ZNF75A: variants seen among roughly 807,000 people sequenced by gnomAD.
The protein encoded by ZNF75A is zinc finger protein 75A.
In ZNF75A, 36 loss-of-function variants were observed where a neutral mutation model predicts 46.3. The observed-to-expected ratio is 0.78, with a 90% CI of 0.60 to 1.03. The LOEUF is 1.03. ZNF75A is among the 50% of genes least tolerant of loss of function. The pLI is 0.00. For missense variants in ZNF75A, 595 were observed against 551.3 expected (o/e 1.08, Z -0.79); for synonymous variants, 234 against 189.9 (o/e 1.23, Z -1.91).
chr16:3,318,025 G>C lies in ZNF75A; in HGVS notation c.*156G>C. 7.1e-7 allele frequency: 1 copy of C among 1,416,026 alleles called. No individual in the cohort carries two copies. The highest frequency in any genetic ancestry group is 1.4e-5 in the African/African-American group (1 of 69,548). 87.7% of individuals were successfully genotyped at this position (1,416,026 alleles called of 1,614,324 possible). On this transcript the variant is annotated 3_prime_UTR_variant, in exon 7 of 7. Coordinates refer to ENST00000669516, the MANE Select transcript of ZNF75A (RefSeq NM_001302109.2). ...ACAGAAAATAATCAAGACTTGCTCT[G>C]CAGCCACTCAGTAGTCTTCTGTGGT...
chr16:3,311,099 G>A (rs1008771385), intron 2 of ZNF75A, among the ~76,000 whole-genome samples: 1 of 152,028 alleles, frequency 6.6e-6, no homozygotes, highest in African/African-American at 2.4e-5. Flanking sequence ...CACAACTGTG[G>A]GATTGAAGTC....
chr16:3,307,627 C>A (rs1350365336), intron 1 of ZNF75A: 1 of 151,894 alleles, frequency 6.6e-6, no homozygotes, highest in African/African-American at 2.4e-5. Flanking sequence ...AGGCGACTCT[C>A]CCACCTCAGC....
downstream of ZNF75A, among the ~76,000 whole-genome samples, chr16:3,319,525 C>T (rs1287595476): frequency 6.6e-6 from 1 of 152,230 alleles, no homozygotes; most frequent in African/African-American, 2.4e-5. Context: ...TCTCCCAGAT[C>T]ATGTGTGGCT....
chr16:3,317,960 GA>G lies in ZNF75A; in HGVS notation c.*96del. 3 of 1,472,650 alleles carry G rather than the reference GA, an allele frequency of 2.0e-6. No individual in the cohort carries two copies. The South Asian group carries it at 4.4e-5, about 21-fold the overall frequency. 91.2% of individuals were successfully genotyped at this position (1,472,650 alleles called of 1,614,324 possible). ...ATGTAAAAGAAAAATCACAAACCTT[GA>G]AAAATTTTACATCAGAAAATGGGAT... On this transcript the variant is annotated 3_prime_UTR_variant, in exon 7 of 7. Transcript: ENST00000669516.
intron 1 of ZNF75A, chr16:3,307,330 A>G (rs759524802): frequency 6.6e-6 from 1 of 152,204 alleles, no homozygotes; most frequent in Non-Finnish European, 1.5e-5. Context: ...TATCATAGCT[A>G]TGTATACATA....
At position 3,318,569 on chromosome 16, in the gene ZNF75A, C is replaced by G. The variant is rs1366656835; in HGVS notation, c.*700C>G. The G allele has an allele frequency of 2.0e-6, 2 of 985,274 alleles. No homozygotes were observed. Among genetic ancestry groups the G allele is most frequent in the Non-Finnish European group, 2.4e-6 (2 of 829,918 alleles). 61.0% of individuals were successfully genotyped at this position (985,274 alleles called of 1,614,324 possible). On this transcript the variant is annotated 3_prime_UTR_variant, in exon 7 of 7. Coordinates refer to ENST00000669516, the MANE Select transcript of ZNF75A (RefSeq NM_001302109.2). ...ATTTTCTGCAATAAAAGAAACTAGACTTGTTAATCCCTGCCTTGCAATGTC... is the reference window on the plus strand; with the variant it reads ...ATTTTCTGCAATAAAAGAAACTAGAGTTGTTAATCCCTGCCTTGCAATGTC...
downstream of ZNF75A, among the ~76,000 whole-genome samples, chr16:3,319,529 T>TGTG (rs1961444832): frequency 6.6e-6 from 1 of 152,222 alleles, no homozygotes. Flanking sequence ...CCAGATCATG[T>TGTG]GTGGCTTTCT....
intron 2 of ZNF75A, among the ~76,000 whole-genome samples, chr16:3,311,369 C>G (rs540373286): frequency 2.0e-5 from 3 of 149,946 alleles, no homozygotes; most frequent in Admixed American, 6.7e-5. Context: ...ACCCAGGAGG[C>G]AGAGGTAGCA....
chr16:3,316,855 G>C, intron 5 of ZNF75A, 57 bp from the exon 6 acceptor site: 1 of 1,187,932 alleles, frequency 8.4e-7, no homozygotes, highest in Non-Finnish European at 1.2e-6. Flanking sequence ...TCTGGGATTA[G>C]TGGACCAGTT....
In ZNF75A at chr16:3,318,566, A is replaced by G. The variant is rs1305256104; in HGVS notation, c.*697A>G. 1 of 985,372 alleles carries G rather than the reference A, an allele frequency of 1.0e-6. No individual in the cohort carries two copies. The highest frequency in any genetic ancestry group is 1.2e-6 in the Non-Finnish European group (1 of 829,950). 61.0% of individuals were successfully genotyped at this position (985,372 alleles called of 1,614,324 possible). Reference sequence around the variant, plus strand: ...AGAATTTTCTGCAATAAAAGAAACTAGACTTGTTAATCCCTGCCTTGCAAT... The same window carrying G: ...AGAATTTTCTGCAATAAAAGAAACTGGACTTGTTAATCCCTGCCTTGCAAT... On this transcript the variant is annotated 3_prime_UTR_variant, in exon 7 of 7. Coordinates refer to ENST00000669516, the MANE Select transcript of ZNF75A (RefSeq NM_001302109.2).
chr16:3,323,116 A>T (rs2030006272), downstream of ZNF75A: 6 of 554,774 alleles, frequency 1.1e-5, no homozygotes, highest in South Asian at 1.3e-4. Flanking sequence ...TGATAAAAAA[A>T]ATCTCAAAAA....
chr16:3,319,721 G>A (rs1230876604), downstream of ZNF75A, among the ~76,000 whole-genome samples: 1 of 152,078 alleles, frequency 6.6e-6, no homozygotes, highest in Non-Finnish European at 1.5e-5. Context: ...GCTCTAAGAC[G>A]GGTATGAGAT....
At chr16:3,316,094 G>A (rs1263152601) in intron 5 of ZNF75A, 2 of 152,232 alleles carry the variant, frequency 1.3e-5, no homozygotes, top group Admixed American at 6.5e-5. Flanking sequence ...TACAGGAGCA[G>A]AATCTTAAAT....
chr16:3,318,107 T>C lies in ZNF75A; in HGVS notation c.*238T>C, dbSNP rs1961365909. ...ATCTCTCCAGTCATTTTTGAACACA[T>C]CCAATAGAAACATTGGCAGCATGGT... On this transcript the variant is annotated 3_prime_UTR_variant, in exon 7 of 7. Transcript: ENST00000669516. The C allele has an allele frequency of 3.2e-6, 4 of 1,260,546 alleles. No homozygotes were observed. The highest frequency in any genetic ancestry group is 1.5e-5 in the African/African-American group (1 of 65,112). 78.1% of individuals were successfully genotyped at this position (1,260,546 alleles called of 1,614,324 possible). A position where few individuals can be genotyped will look rare whatever the true frequency, so the allele number is the denominator to read the frequency against.
At chr16:3,314,853 T>C in intron 5 of ZNF75A, 1 of 985,452 alleles carries the variant, frequency 1.0e-6, no homozygotes, top group Non-Finnish European at 1.2e-6. Flanking sequence ...AGGAAAACTG[T>C]AAGACTGTCA....
chr16:3,307,731 A>C (rs754450625), intron 1 of ZNF75A: 4 of 143,638 alleles, frequency 2.8e-5, no homozygotes, highest in East Asian at 2.0e-4. Flanking sequence ...GGGTCTCGCT[A>C]TGTTGCTCAG....
At chr16:3,322,955 G>C, downstream of ZNF75A, 1 of 985,052 alleles carries the variant, frequency 1.0e-6, no homozygotes, top group Non-Finnish European at 1.2e-6. Context: ...CCGCCGACAA[G>C]GAGGCAGCCA....
chr16:3,320,614 A>G (rs781357792), downstream of ZNF75A, among the ~76,000 whole-genome samples: 1 of 152,176 alleles, frequency 6.6e-6, no homozygotes, highest in South Asian at 2.1e-4. Context: ...CTCCTTCCCT[A>G]TCTGGCCTTA....
chr16:3,313,948 C>G (rs1961001636), intron 5 of ZNF75A, among the ~76,000 whole-genome samples: 1 of 152,136 alleles, frequency 6.6e-6, no homozygotes. Context: ...CATTTTTACC[C>G]TCTTGTTTCA....
Sources: gnomAD v4.1 joint callset for allele counts (sites outside exome capture counted in the v4.1 genomes callset) on GRCh38, gnomAD v4.1.1 for gene constraint, MANE v1.5 for transcripts, NCBI Gene and HGNC (gene_info 2026-07-23, HGNC 2026-07-21) for gene names.